Variants in MALRD1 observed in about 807,000 individuals in gnomAD.
The protein encoded by MALRD1 is MAM and LDL receptor class A domain containing 1, also known as MAM and LDL-receptor class A domain-containing protein 1.
MALRD1 carries 247 observed loss-of-function variants against 242.1 expected under a neutral mutation model. The ratio of observed to expected loss-of-function variants is 1.02; its 90% CI spans 0.92 to 1.13. The LOEUF is 1.13. MALRD1 is among the 50% of genes most tolerant of loss of function. MALRD1 has a pLI of 0.00. For synonymous variants in MALRD1, 995 were observed against 866.6 expected (o/e 1.15, Z -2.60); for missense variants, 2,989 against 2,533.1 (o/e 1.18, Z -3.86).
chr10:19,431,589 A>G (rs990475907), intron 28 of MALRD1, among the ~76,000 whole-genome samples: 1 of 152,184 alleles, frequency 6.6e-6, no homozygotes, highest in East Asian at 1.9e-4. Context: ...GCACTCCTCA[A>G]AAGACTTTTA....
chr10:19,397,224 A>G (rs914019289), intron 28 of MALRD1, among the ~76,000 whole-genome samples: 4 of 151,996 alleles, frequency 2.6e-5, no homozygotes, highest in East Asian at 3.9e-4. Context: ...TACTCCACCA[A>G]TCTCTCCCTA....
At chr10:19,292,190 T>G (rs1017329027) in intron 21 of MALRD1, among the ~76,000 whole-genome samples, 1 of 152,058 alleles carries the variant, frequency 6.6e-6, no homozygotes, top group African/African-American at 2.4e-5. Flanking sequence ...AAAAACATCA[T>G]TTCAAGGCCC....
chr10:19,088,104 G>C lies in MALRD1; in HGVS notation c.516G>C (p.Gln172His). Reference protein sequence around the residue: ...GLQTACGGPIQHLWQNTAALP... With the variant: ...GLQTACGGPIHHLWQNTAALP... The stretch of plus-strand genomic sequence containing the variant: ...AAACTGCATGTGGAGGTCCTATTCA[G>C]CATTTATGGCAAAACACAGCTGCAC... Residue 172 changes from glutamine to histidine, a missense_variant, in exon 4 of 40, where the codon CAG (glutamine) becomes CAC (histidine). By Grantham distance (24) the Gln-to-His change is conservative. Coordinates refer to ENST00000454679, the MANE Select transcript of MALRD1 (RefSeq NM_001142308.3). 1 of 1,233,524 alleles carries C rather than the reference G, an allele frequency of 8.1e-7. No individual in the cohort carries two copies. Among genetic ancestry groups the C allele is most frequent in the Non-Finnish European group, 1.0e-6 (1 of 987,900 alleles). 76.4% of individuals were successfully genotyped at this position (1,233,524 alleles called of 1,614,324 possible).
chr10:19,457,677 G>A (rs1835729586), intron 29 of MALRD1, among the ~76,000 whole-genome samples: 1 of 150,228 alleles, frequency 6.7e-6, no homozygotes, highest in Non-Finnish European at 1.5e-5. Context: ...AGAACTGCAA[G>A]CAAGAAACTA....
intron 21 of MALRD1, among the ~76,000 whole-genome samples, chr10:19,306,659 T>TA (rs1842222960): frequency 6.6e-6 from 1 of 151,064 alleles, no homozygotes; most frequent in Admixed American, 6.7e-5. Context: ...ATGCTGCTGA[T>TA]AAAGACATAC....
intron 29 of MALRD1, among the ~76,000 whole-genome samples, chr10:19,450,962 C>T (rs10458690): frequency 0.22 from 33,867 of 152,018 alleles, 4,463 homozygotes; most frequent in South Asian, 0.36. Context: ...TCCTGAAGAC[C>T]CCATCTCTGG....
At chr10:19,653,481 C>G (rs987992676) in intron 36 of MALRD1, among the ~76,000 whole-genome samples, 1 of 152,090 alleles carries the variant, frequency 6.6e-6, no homozygotes, top group Non-Finnish European at 1.5e-5. Flanking sequence ...TTTGTTTCCT[C>G]AGATCTAAAT....
At chr10:19,185,000 C>G (rs1352168557) in intron 14 of MALRD1, among the ~76,000 whole-genome samples, 1 of 152,196 alleles carries the variant, frequency 6.6e-6, no homozygotes, top group Non-Finnish European at 1.5e-5. Flanking sequence ...CATGATTATG[C>G]AAATACTATT....
intron 29 of MALRD1, among the ~76,000 whole-genome samples, chr10:19,461,317 C>T (rs1014193742): frequency 2.0e-4 from 31 of 152,092 alleles, no homozygotes; most frequent in African/African-American, 7.2e-4. Flanking sequence ...ATTAAAAGGT[C>T]AGGAAGGAGT....
intron 30 of MALRD1, among the ~76,000 whole-genome samples, chr10:19,497,877 A>G (rs1368640252): frequency 2.0e-5 from 3 of 152,212 alleles, no homozygotes; most frequent in Non-Finnish European, 4.4e-5. Context: ...AGAAATAGAT[A>G]CAGTTATTAT....
intron 32 of MALRD1, among the ~76,000 whole-genome samples, chr10:19,549,732 C>T (rs1835399851): frequency 6.6e-6 from 1 of 152,120 alleles, no homozygotes; most frequent in African/African-American, 2.4e-5. Flanking sequence ...TGGAACTGAA[C>T]CTGCAATATC....
intron 31 of MALRD1, among the ~76,000 whole-genome samples, chr10:19,511,496 A>G (rs1472720696): frequency 6.6e-6 from 1 of 152,236 alleles, no homozygotes; most frequent in Non-Finnish European, 1.5e-5. Flanking sequence ...ATATTTGTCT[A>G]CAAAATGCCA....
intron 38 of MALRD1, among the ~76,000 whole-genome samples, chr10:19,729,897 C>T (rs563836940): frequency 2.6e-5 from 4 of 151,496 alleles, no homozygotes; most frequent in Non-Finnish European, 5.9e-5. Context: ...CCACCACGCC[C>T]GGCTAATTTT....
intron 36 of MALRD1, among the ~76,000 whole-genome samples, chr10:19,651,001 C>G (rs1367654636): frequency 1.3e-5 from 2 of 152,134 alleles, no homozygotes; most frequent in Non-Finnish European, 1.5e-5. Context: ...AGCCAGTCTC[C>G]CCACTATCTC....
At chr10:19,184,347 T>C (rs190154561) in intron 14 of MALRD1, among the ~76,000 whole-genome samples, 15 of 152,308 alleles carry the variant, frequency 9.8e-5, no homozygotes, top group Non-Finnish European at 1.8e-4. Flanking sequence ...CCTAGGTGTC[T>C]TCCCATAGTT....
chr10:19,492,068 C>T (rs1293601314), intron 30 of MALRD1, among the ~76,000 whole-genome samples: 1 of 151,008 alleles, frequency 6.6e-6, no homozygotes, highest in Non-Finnish European at 1.5e-5. Flanking sequence ...TAATAAATAC[C>T]AGTTTAGTAA....
At chr10:19,142,061 A>T (rs2131428398) in intron 10 of MALRD1, among the ~76,000 whole-genome samples, 1 of 151,196 alleles carries the variant, frequency 6.6e-6, no homozygotes. Flanking sequence ...AGTCCCAGCT[A>T]CTCGGGAGGC....
intron 1 of MALRD1, among the ~76,000 whole-genome samples, chr10:19,065,813 A>G (rs1286816073): frequency 6.6e-6 from 1 of 152,118 alleles, no homozygotes; most frequent in Non-Finnish European, 1.5e-5. Context: ...ACTTTCCTCA[A>G]ACACAGATTC....
At chr10:19,532,009 A>G (rs1156455406) in intron 32 of MALRD1, among the ~76,000 whole-genome samples, 1 of 152,174 alleles carries the variant, frequency 6.6e-6, no homozygotes, top group Non-Finnish European at 1.5e-5. Flanking sequence ...AATAAATACA[A>G]TTGGGATTTT....
Sources: gnomAD v4.1 joint callset for allele counts (sites outside exome capture counted in the v4.1 genomes callset) on GRCh38, gnomAD v4.1.1 for gene constraint, MANE v1.5 for transcripts, NCBI Gene and HGNC (gene_info 2026-07-23, HGNC 2026-07-21) for gene names.